Variants in OR10H1 observed in about 807,000 individuals in gnomAD.
OR10H1 encodes olfactory receptor 10H1.
A neutral mutation model predicts 13.1 loss-of-function variants in OR10H1; 12 were observed. The observed-to-expected ratio is 0.92, with a 90% CI of 0.59 to 1.48. OR10H1 has a LOEUF of 1.48. Ranked by LOEUF, OR10H1 falls within the 40% of genes most tolerant of loss-of-function variation. OR10H1 has a pLI of 0.00. For missense variants in OR10H1, 363 were observed against 413.1 expected, an observed-to-expected ratio of 0.88 and a Z score of 1.05; for synonymous variants, 168 against 175.6, an observed-to-expected ratio of 0.96 and a Z score of 0.34.
intron 2 of OR10H1, among the ~76,000 whole-genome samples, chr19:15,810,156 A>C (rs756705819): frequency 6.6e-6 from 1 of 151,594 alleles, no homozygotes; most frequent in Non-Finnish European, 1.5e-5. Context: ...TTAGCCAGGC[A>C]TGGTGGCACA....
rs372483993 is a variant in OR10H1, at chr19:15,815,202, A to G, written c.-778+353T>C. On this transcript the variant is annotated intron_variant, in intron 1 of 3. Transcript: ENST00000641419. ...TAAAAATACAAAAAATTAGCCAGGC[A>G]TGGTGGCACGCACCTGTAGTCCCAG... Among the ~76,000 whole-genome samples the G allele has an allele frequency of 5.3e-5, 8 of 152,192 alleles. No homozygotes were observed. The East Asian group carries it at 9.7e-4, about 18-fold the overall frequency.
intron 2 of OR10H1, among the ~76,000 whole-genome samples, chr19:15,810,859 AAAAAT>A (rs1197216971): frequency 6.6e-6 from 1 of 150,462 alleles, no homozygotes; most frequent in Non-Finnish European, 1.5e-5. Flanking sequence ...GGGCTTTCTC[AAAAAT>A]AAAATAAAAT....
At chr19:15,810,396 G>A (rs1196168037) in intron 2 of OR10H1, among the ~76,000 whole-genome samples, 2 of 151,014 alleles carry the variant, frequency 1.3e-5, no homozygotes, top group Non-Finnish European at 2.9e-5. Flanking sequence ...ACGAGATGGG[G>A]CCTTTTGTGT....
At position 15,807,123 on chromosome 19, in the gene OR10H1, G is replaced by A. The variant is rs772886217; in HGVS notation, c.915C>T (p.Thr305=). ...NKELKVAMKK[T]FFSKLYPEKN... ...TTTCTGGGTAGAGTTTACTGAAGAA[G>A]GTCTTCTTCATGGCGACCTTCAGCT... The change falls in exon 4 of 4, where the codon ACC becomes ACT. Residue 305 remains threonine (T), a synonymous_variant. Coordinates refer to ENST00000641419, the MANE Select transcript of OR10H1 (RefSeq NM_013940.4). 27 of 1,614,004 alleles carry A rather than the reference G, an allele frequency of 1.7e-5. No individual in the cohort carries two copies. The highest frequency in any genetic ancestry group is 2.3e-5 in the Non-Finnish European group (27 of 1,179,966).
rs192024237 is a variant in OR10H1 at position 15,806,978 on chromosome 19, C to A, written c.*103G>T. 9.1e-7 allele frequency: 1 copy of A among 1,097,126 alleles called. No individual in the cohort carries two copies. The highest frequency in any genetic ancestry group is 2.2e-5 in the Admixed American group (1 of 46,378). The allele number at this position is 1,097,126 out of a possible 1,614,324, so 68.0% of individuals were successfully genotyped here. On this transcript the variant is annotated 3_prime_UTR_variant, in exon 4 of 4. Coordinates refer to ENST00000641419, the MANE Select transcript of OR10H1 (RefSeq NM_013940.4). ...CTGACCTCAGGTGATCCGCCTGCCT[C>A]GGCCTCCCAAAGTGCTGGGATTACA...
chr19:15,805,233 C>A lies in OR10H1; in HGVS notation c.*1848G>T, dbSNP rs1289143126. The A allele has an allele frequency of 6.6e-6, 1 of 151,956 alleles. No homozygotes were observed. Among genetic ancestry groups the A allele is most frequent in the Non-Finnish European group, 1.5e-5 (1 of 68,002 alleles). The allele number at this position is 151,956 out of a possible 1,614,324, so 9.4% of individuals were successfully genotyped here. A position where few individuals can be genotyped will look rare whatever the true frequency, so the allele number is the denominator to read the frequency against. On this transcript the variant is annotated 3_prime_UTR_variant, in exon 4 of 4. Transcript: ENST00000641419. ...CAGAAGCTCTTTAGTTTAATTAGAT[C>A]CCATTTGTCAATTTTGGCTTTTGTA...
chr19:15,805,436 AC>A lies in OR10H1; in HGVS notation c.*1644del, dbSNP rs954455693. 1 of 132,792 alleles carries A rather than the reference AC, an allele frequency of 7.5e-6. No individual in the cohort carries two copies. The highest frequency in any genetic ancestry group is 1.5e-5 in the Non-Finnish European group (1 of 64,858). 8.2% of individuals were successfully genotyped at this position (132,792 alleles called of 1,614,324 possible). ...CCATTGGGAAGAGACCATGAGGTAA[AC>A]TTTCTTTTTTTTTTTTTTTTTTTTT... On this transcript the variant is annotated 3_prime_UTR_variant, in exon 4 of 4. Coordinates refer to ENST00000641419, the MANE Select transcript of OR10H1 (RefSeq NM_013940.4).
In OR10H1 at chr19:15,804,558, C is replaced by A. The variant is rs532097901; in HGVS notation, c.*2523G>T. The A allele has an allele frequency of 5.3e-4, 78 of 146,408 alleles. 1 individual carries two copies. Among genetic ancestry groups the A allele is most frequent in the African/African-American group, 1.8e-3 (72 of 40,364 alleles). The allele number at this position is 146,408 out of a possible 1,614,324, so 9.1% of individuals were successfully genotyped here. On this transcript the variant is annotated 3_prime_UTR_variant, in exon 4 of 4. Coordinates refer to ENST00000641419, the MANE Select transcript of OR10H1 (RefSeq NM_013940.4). ...GTCCCTACAAAGGACATGAACTCAT[C>A]ATTTTTTATGGCTGCATAGTATTCC...
chr19:15,813,582 T>G (rs1377448676), intron 1 of OR10H1, among the ~76,000 whole-genome samples: 285 of 68,104 alleles, frequency 4.2e-3, no homozygotes, highest in African/African-American at 5.0e-3. Flanking sequence ...GACAGAGAGG[T>G]GGAGACACAG....
rs1270873590 is a variant in OR10H1, at chr19:15,807,479, A to G, written c.559T>C (p.Leu187=). The change falls in exon 4 of 4, where the codon TTG becomes CTG. Residue 187 remains leucine, a synonymous_variant. Transcript: ENST00000641419. ...FACHVPPLLK[L]ACGDDVLVVA... Reference sequence around the variant, plus strand: ...ACCAGCACATCGTCTCCACAGGCCAACTTCAACAGAGGTGGCACATGGCAA... The same window carrying G: ...ACCAGCACATCGTCTCCACAGGCCAGCTTCAACAGAGGTGGCACATGGCAA... 2 of 1,614,200 alleles carry G rather than the reference A, an allele frequency of 1.2e-6. No individual in the cohort carries two copies. The highest frequency in any genetic ancestry group is 1.7e-5 in the Admixed American group (1 of 60,016).
chr19:15,809,132 G>A (rs2088919612), intron 2 of OR10H1, among the ~76,000 whole-genome samples: 2 of 152,114 alleles, frequency 1.3e-5, no homozygotes, highest in African/African-American at 4.8e-5. Context: ...TCATGCTTTG[G>A]TTGTTTTCCA....
rs151120896 is a variant in OR10H1 at position 15,809,918 on chromosome 19, C to T, written c.-128-1077G>A. On this transcript the variant is annotated intron_variant, in intron 2 of 3. Transcript: ENST00000641419. ...GCAGCCTTCGGCTCCTGGGCTTAAG[C>T]GATCTTCCCTTCTCAGCCCCCTTAA... 2.8e-3 allele frequency among the ~76,000 whole-genome samples: 422 copies of T among 152,016 alleles called. 9 individuals are homozygous for T. The highest frequency in any genetic ancestry group is 0.019 in the Admixed American group (288 of 15,280).
In OR10H1 at chr19:15,808,030, C is replaced by G. The variant is rs1352748287; in HGVS notation, c.8G>C (p.Arg3Thr). 1.9e-6 allele frequency: 3 copies of G among 1,610,788 alleles called. No individual in the cohort carries two copies. The highest frequency in any genetic ancestry group is 1.1e-5 in the South Asian group (1 of 90,904). The change falls in exon 4 of 4, where the codon AGA becomes ACA. Residue 3 changes from arginine (R) to threonine (T), a missense_variant. Physicochemically the swap from Arg to Thr is moderately conservative, Grantham distance 71 (BLOSUM62 -1). Coordinates refer to ENST00000641419, the MANE Select transcript of OR10H1 (RefSeq NM_013940.4). MQ[R>T]ANHSTVTQFI... The stretch of plus-strand genomic sequence containing the variant: ...TTGGGTCACTGTGGAGTGATTGGCT[C>G]TCTGCATGGAGGCTGTGCCTGGGGT...
Position 15,808,022 on chromosome 19 carries a change from G to T in OR10H1, c.16C>A (p.His6Asn), listed in dbSNP as rs766824693. MQRANHSTVTQFILVG... is the reference protein window; with the variant it reads MQRANNSTVTQFILVG... ...AGGATGAATTGGGTCACTGTGGAGT[G>T]ATTGGCTCTCTGCATGGAGGCTGTG... Residue 6 changes from histidine (H) to asparagine (N), a missense_variant, in exon 4 of 4, where the codon CAC (histidine) becomes AAC (asparagine). Coordinates refer to ENST00000641419, the MANE Select transcript of OR10H1 (RefSeq NM_013940.4). 1.2e-6 allele frequency: 2 copies of T among 1,611,910 alleles called. No homozygotes were observed. Among genetic ancestry groups the T allele is most frequent in the Non-Finnish European group, 1.7e-6 (2 of 1,178,236 alleles).
intron 2 of OR10H1, among the ~76,000 whole-genome samples, chr19:15,810,173 T>C (rs2088925239): frequency 6.6e-6 from 1 of 150,954 alleles, no homozygotes; most frequent in African/African-American, 2.4e-5. Flanking sequence ...CACAGGCCTG[T>C]GGTCCCAGCT....
chr19:15,811,577 C>T (rs114729992), intron 2 of OR10H1, among the ~76,000 whole-genome samples: 2,600 of 152,204 alleles, frequency 0.017, 76 homozygotes, highest in African/African-American at 0.059. Flanking sequence ...CCAGAGAGTG[C>T]AGCCGCAACT....
chr19:15,806,886 C>G lies in OR10H1; in HGVS notation c.*195G>C, dbSNP rs1183399032. The G allele has an allele frequency of 8.9e-6, 5 of 563,564 alleles. No homozygotes were observed. The highest frequency in any genetic ancestry group is 1.6e-5 in the Non-Finnish European group (5 of 317,518). The allele number at this position is 563,564 out of a possible 1,614,324, so 34.9% of individuals were successfully genotyped here. On this transcript the variant is annotated 3_prime_UTR_variant, in exon 4 of 4. Transcript: ENST00000641419. Reference sequence around the variant, plus strand: ...GGGTTACAGGCATGTGCCAACATGCCTGGCTAATTTTTGTATTTTTAGTAG... The same window carrying G: ...GGGTTACAGGCATGTGCCAACATGCGTGGCTAATTTTTGTATTTTTAGTAG...
At chr19:15,810,593 C>T (rs575721159) in intron 2 of OR10H1, among the ~76,000 whole-genome samples, 5 of 151,860 alleles carry the variant, frequency 3.3e-5, no homozygotes, top group Non-Finnish European at 7.4e-5. Flanking sequence ...TGTTGGCCTT[C>T]GTGAACAATG....
chr19:15,807,405 A>C lies in OR10H1; in HGVS notation c.633T>G (p.Cys211Trp). Residue 211 changes from cysteine (C) to tryptophan (W), a missense_variant, in exon 4 of 4, where the codon TGT becomes TGG. Cys to Trp is a radical substitution (Grantham distance 215, BLOSUM62 -2). Transcript: ENST00000641419. The stretch of plus-strand genomic sequence containing the variant: ...CATAGGAGAGGAGGATGAGGAGAAA[A>C]CAGCCCAGCAGGGCCGTGATACACA... ...GLVCITALLGCFLLILLSYAF... is the reference protein window; with the variant it reads ...GLVCITALLGWFLLILLSYAF... The C allele has an allele frequency of 6.2e-7, 1 of 1,614,176 alleles. No homozygotes were observed. Among genetic ancestry groups the C allele is most frequent in the Non-Finnish European group, 8.5e-7 (1 of 1,180,032 alleles).
Sources: gnomAD v4.1 joint callset for allele counts (sites outside exome capture counted in the v4.1 genomes callset) on GRCh38, gnomAD v4.1.1 for gene constraint, MANE v1.5 for transcripts, NCBI Gene and HGNC (gene_info 2026-07-23, HGNC 2026-07-21) for gene names.